The following RCL1 variants were observed in gnomAD, a reference collection of about 807,000 sequenced individuals.
RCL1 encodes RNA 3'-terminal phosphate cyclase-like protein.
Under a neutral mutation model 42.4 loss-of-function variants are expected in RCL1, and 24 were observed. The ratio of observed to expected loss-of-function variants is 0.57; its 90% CI spans 0.41 to 0.80. The LOEUF (loss-of-function observed/expected upper bound fraction) is 0.80. RCL1 is among the 30% of genes least tolerant of loss of function. The probability of loss-of-function intolerance (pLI) is 0.00; values close to 1 mark genes in which losing one functional copy is unlikely to be tolerated. For missense variants in RCL1, 578 were observed against 467.9 expected (o/e 1.24, Z -2.17); for synonymous variants, 228 against 177.3 (o/e 1.29, Z -2.27).
intron 3 of RCL1, among the ~76,000 whole-genome samples, chr9:4,832,719 A>T (rs1289152447): frequency 6.6e-6 from 1 of 150,996 alleles, no homozygotes; most frequent in African/African-American, 2.4e-5. Flanking sequence ...GAGGCAGGAG[A>T]ATCGCTTGAA....
At chr9:4,846,186 C>T (rs1384287442) in intron 7 of RCL1, among the ~76,000 whole-genome samples, 1 of 152,162 alleles carries the variant, frequency 6.6e-6, no homozygotes, top group Non-Finnish European at 1.5e-5. Flanking sequence ...CAAGATGGAA[C>T]ACATGAGAAT....
chr9:4,812,639 A>T (rs1237490708), intron 1 of RCL1, among the ~76,000 whole-genome samples: 1 of 152,044 alleles, frequency 6.6e-6, no homozygotes, highest in African/African-American at 2.4e-5. Context: ...TTGCGGGTCC[A>T]TATGAATATT....
chr9:4,845,245 G>T (rs558175915), intron 7 of RCL1, among the ~76,000 whole-genome samples: 4 of 152,260 alleles, frequency 2.6e-5, no homozygotes, highest in African/African-American at 9.6e-5. Context: ...AACTAGGGAA[G>T]GCAGGCCTGT....
intron 3 of RCL1, among the ~76,000 whole-genome samples, chr9:4,831,480 A>T (rs1279773725): frequency 6.6e-6 from 1 of 151,916 alleles, no homozygotes; most frequent in African/African-American, 2.4e-5. Flanking sequence ...AGTGTGCTTT[A>T]TTTTTTTATT....
intron 1 of RCL1, among the ~76,000 whole-genome samples, chr9:4,807,297 G>C (rs979347472): frequency 2.0e-5 from 3 of 151,906 alleles, no homozygotes; most frequent in African/African-American, 4.8e-5. Context: ...TCCTTCACTT[G>C]CTTTGAGTTT....
At chr9:4,850,727 G>C (rs1367973482) in intron 8 of RCL1, among the ~76,000 whole-genome samples, 1 of 152,134 alleles carries the variant, frequency 6.6e-6, no homozygotes, top group African/African-American at 2.4e-5. Context: ...AGACTTGGTA[G>C]TTAAGTACTT....
intron 8 of RCL1, among the ~76,000 whole-genome samples, chr9:4,854,779 G>A (rs191814214): frequency 3.3e-5 from 5 of 152,252 alleles, no homozygotes; most frequent in East Asian, 1.9e-4. Context: ...TAGGAAGGCC[G>A]GGTGCGGTGG....
chr9:4,813,437 ATG>A (rs1816253071), intron 1 of RCL1, among the ~76,000 whole-genome samples: 1 of 152,248 alleles, frequency 6.6e-6, no homozygotes, highest in African/African-American at 2.4e-5. Flanking sequence ...ACATGAAAAA[ATG>A]TTCATCATCA....
chr9:4,849,221 C>T (rs1422340545), intron 7 of RCL1, among the ~76,000 whole-genome samples: 1 of 148,458 alleles, frequency 6.7e-6, no homozygotes, highest in African/African-American at 2.5e-5. Context: ...CTGATAGTCT[C>T]ATTCTGATAG....
intron 3 of RCL1, among the ~76,000 whole-genome samples, chr9:4,828,101 G>A (rs1374569597): frequency 2.6e-5 from 4 of 151,382 alleles, no homozygotes; most frequent in Non-Finnish European, 5.9e-5. Flanking sequence ...CAGGAGAATG[G>A]CGTGAACCTG....
chr9:4,844,684 A>G lies in RCL1; in HGVS notation c.867+3A>G. On this transcript the variant is annotated splice_donor_region_variant and intron_variant, in intron 7 of 8. Coordinates refer to ENST00000381750, the MANE Select transcript of RCL1 (RefSeq NM_005772.5). Reference sequence around the variant, plus strand: ...TGCTGCTGGAGGAAATCTACAGGGTATGTCCACAGCTTCCTCTGATAGAGG... The same window carrying G: ...TGCTGCTGGAGGAAATCTACAGGGTGTGTCCACAGCTTCCTCTGATAGAGG... The G allele has an allele frequency of 6.2e-7, 1 of 1,611,444 alleles. No homozygotes were observed. Among genetic ancestry groups the G allele is most frequent in the Non-Finnish European group, 8.5e-7 (1 of 1,179,204 alleles).
chr9:4,797,560 T>C (rs557911999), intron 1 of RCL1, among the ~76,000 whole-genome samples: 63 of 152,332 alleles, frequency 4.1e-4, no homozygotes, highest in African/African-American at 1.5e-3. Flanking sequence ...TACTGGCCTC[T>C]AGTGGTTAGA....
At chr9:4,808,464 T>C (rs1232978287) in intron 1 of RCL1, among the ~76,000 whole-genome samples, 1 of 152,074 alleles carries the variant, frequency 6.6e-6, no homozygotes, top group African/African-American at 2.4e-5. Context: ...TGCGCCATTA[T>C]GCCTGGCTAA....
At chr9:4,812,949 C>T (rs544344849) in intron 1 of RCL1, among the ~76,000 whole-genome samples, 17 of 152,042 alleles carry the variant, frequency 1.1e-4, no homozygotes, top group African/African-American at 3.9e-4. Context: ...ATTTGTTTAT[C>T]AGTTCTAGGA....
intron 1 of RCL1, among the ~76,000 whole-genome samples, chr9:4,802,215 G>C (rs773979673): frequency 6.6e-6 from 1 of 151,764 alleles, no homozygotes; most frequent in African/African-American, 2.4e-5. Flanking sequence ...GTGAGCCACA[G>C]CTCCTGGCCA....
intron 8 of RCL1, among the ~76,000 whole-genome samples, chr9:4,855,707 G>T (rs1162830093): frequency 6.6e-6 from 1 of 152,150 alleles, no homozygotes. Context: ...GGAGAATGGG[G>T]CTAGAGGTGG....
chr9:4,849,582 G>C, intron 8 of RCL1, 32 bp downstream of exon 8: 1 of 1,527,374 alleles, frequency 6.5e-7, no homozygotes, highest in African/African-American at 1.4e-5. Flanking sequence ...TCGTTATTCT[G>C]TCCAGTGTAA....
chr9:4,817,884 C>CA (rs919011397), intron 1 of RCL1, among the ~76,000 whole-genome samples: 1 of 142,352 alleles, frequency 7.0e-6, no homozygotes, highest in African/African-American at 2.6e-5. Context: ...TCTAAACTCT[C>CA]AGTTCATTTT....
intron 1 of RCL1, among the ~76,000 whole-genome samples, chr9:4,802,404 C>G: frequency 6.6e-6 from 1 of 152,140 alleles, no homozygotes; most frequent in Non-Finnish European, 1.5e-5. Flanking sequence ...AATATTTTGA[C>G]AAGAATTATA....
Sources: allele counts gnomAD v4.1 joint callset (sites outside exome capture counted in the v4.1 genomes callset), GRCh38; gene constraint gnomAD v4.1.1; transcripts MANE v1.5; gene names NCBI Gene and HGNC (gene_info 2026-07-23, HGNC 2026-07-21).